The following UBXN11 variants were observed in gnomAD, a reference collection of about 807,000 sequenced individuals.
The protein encoded by UBXN11 is UBX domain-containing protein 11.
UBXN11 carries 47 observed loss-of-function variants against 62.8 expected under a neutral mutation model. The observed-to-expected ratio is 0.75, with a 90% CI of 0.59 to 0.95. UBXN11 has a LOEUF of 0.95. UBXN11 is among the 40% of genes least tolerant of loss of function. The pLI is 0.00. For missense variants in UBXN11, 638 were observed against 661.7 expected (o/e 0.96, Z 0.39); for synonymous variants, 294 against 267.0 (o/e 1.10, Z -0.99).
chr1:26,291,835 G>GCCTA (rs1340464752), intron 8 of UBXN11, among the ~76,000 whole-genome samples: 1 of 152,194 alleles, frequency 6.6e-6, no homozygotes, highest in Non-Finnish European at 1.5e-5. Context: ...GCATGCCTGG[G>GCCTA]CCTACAGTGC....
rs763595522 is a variant in UBXN11, at chr1:26,282,319, GTCCA to G, written c.1539_1542del (p.Gly514ProfsTer?). 10 of 1,458,236 alleles carry G rather than the reference GTCCA, an allele frequency of 6.9e-6. No individual in the cohort carries two copies. The highest frequency in any genetic ancestry group is 2.7e-5 in the South Asian group (2 of 73,032). The allele number at this position is 1,458,236 out of a possible 1,614,324, so 90.3% of individuals were successfully genotyped here. On this transcript the variant is annotated frameshift_variant, in exon 15 of 15. Transcript: ENST00000374222. LOFTEE classifies it high-confidence loss of function. ...GTGCTTTATTGGGGGCTGGGACTGG[GTCCA>G]GGACAGGGACTGGGGCCGGGACCGG...
At chr1:26,317,971 A>G (rs773924069) in intron 1 of UBXN11, 30 of 1,574,772 alleles carry the variant, frequency 1.9e-5, no homozygotes, top group Non-Finnish European at 2.3e-5. Flanking sequence ...CAGCCCTGAG[A>G]TCACCTAAAA....
intron 7 of UBXN11, among the ~76,000 whole-genome samples, chr1:26,295,254 GC>G (rs1169058883): frequency 6.6e-6 from 1 of 151,918 alleles, no homozygotes; most frequent in Non-Finnish European, 1.5e-5. Context: ...GGCCTGTGGT[GC>G]CCCCTCCAAT....
rs745506107 is a variant in UBXN11 at position 26,285,839 on chromosome 1, T to TAGAAGGGCTGGA, written c.746_757dup (p.Phe249_Phe252dup). 6.2e-7 allele frequency: 1 copy of TAGAAGGGCTGGA among 1,607,442 alleles called. No homozygotes were observed. Among genetic ancestry groups the TAGAAGGGCTGGA allele is most frequent in the African/African-American group, 1.3e-5 (1 of 74,806 alleles). On this transcript the variant is annotated inframe_insertion, in exon 9 of 15. Coordinates refer to ENST00000374222, the MANE Select transcript of UBXN11 (RefSeq NM_001389556.1). ...CGCTCCTACCTGTGTGGAGGGATCG[T>TAGAAGGGCTGGA]AGAAGGGCTGGAAGGGCCCGTCGAA...
chr1:26,297,520 T>C, intron 5 of UBXN11, 39 bp from the exon 6 acceptor site: 2 of 1,513,244 alleles, frequency 1.3e-6, no homozygotes, highest in Non-Finnish European at 8.8e-7. Flanking sequence ...GGGCCTGTGG[T>C]TCCCAGAGCC....
intron 8 of UBXN11, among the ~76,000 whole-genome samples, chr1:26,289,423 C>G (rs2073206613): frequency 6.6e-6 from 1 of 152,022 alleles, no homozygotes; most frequent in Non-Finnish European, 1.5e-5. Flanking sequence ...GCACCTACTC[C>G]CTTGGCCCTC....
At chr1:26,308,935 ATTTTTT>A (rs57323315), upstream of UBXN11, among the ~76,000 whole-genome samples, 10 of 108,272 alleles carry the variant, frequency 9.2e-5, no homozygotes, top group Admixed American at 7.9e-4. Flanking sequence ...CAGTCGTTTG[ATTTTTT>A]TTTTTTTTTT....
Position 26,300,953 on chromosome 1 carries a change from C to T in UBXN11, c.172G>A (p.Gly58Ser), listed in dbSNP as rs770099463. Reference sequence around the variant, plus strand: ...TGCCGACTCACAGGGGCACCTATGCCGCCATAGCAGGAAGGGACTGAGATC... The same window carrying T: ...TGCCGACTCACAGGGGCACCTATGCTGCCATAGCAGGAAGGGACTGAGATC... ...EKISVPSCYG[G>S]IGAPVSRQVP... is the part of the protein sequence containing the mutation. The change falls in exon 4 of 15, where the codon GGC becomes AGC. Residue 58 changes from glycine to serine, a missense_variant. Physicochemically the swap from Gly to Ser is moderately conservative, Grantham distance 56. Transcript: ENST00000374222. The T allele has an allele frequency of 6.8e-6, 11 of 1,614,220 alleles. No individual in the cohort carries two copies. Among genetic ancestry groups the T allele is most frequent in the Admixed American group, 3.3e-5 (2 of 60,024 alleles).
intron 10 of UBXN11, 27 bp from the exon 11 acceptor site, chr1:26,284,509 C>A: frequency 6.4e-7 from 1 of 1,566,074 alleles, no homozygotes; most frequent in Non-Finnish European, 8.7e-7. Context: ...GCAACGACGG[C>A]AGCGGACCCA....
chr1:26,287,361 G>A lies in UBXN11; in HGVS notation c.560-1324C>T, dbSNP rs956937840. ...CTGGCTTCAGGGGAGAATACGGAGCGGTGGGGACAGCCGTGACAGACAACA... is the reference window on the plus strand; with the variant it reads ...CTGGCTTCAGGGGAGAATACGGAGCAGTGGGGACAGCCGTGACAGACAACA... On this transcript the variant is annotated intron_variant, in intron 8 of 14. Coordinates refer to ENST00000374222, the MANE Select transcript of UBXN11 (RefSeq NM_001389556.1). 4.6e-5 allele frequency among the ~76,000 whole-genome samples: 7 copies of A among 152,244 alleles called. 1 individual carries two copies. The highest frequency in any genetic ancestry group is 3.9e-4 in the East Asian group (2 of 5,182).
intron 3 of UBXN11, 66 bp downstream of exon 3, chr1:26,301,628 C>A (rs568844075): frequency 6.3e-7 from 1 of 1,595,824 alleles, no homozygotes; most frequent in Non-Finnish European, 8.6e-7. Context: ...TTCTCTCCAT[C>A]GGTCCAACTG....
intron 8 of UBXN11, among the ~76,000 whole-genome samples, chr1:26,288,655 A>T (rs368824366): frequency 8.5e-5 from 13 of 152,280 alleles, no homozygotes; most frequent in African/African-American, 3.1e-4. Flanking sequence ...CTAGCAGCAG[A>T]ACTCAAATGG....
At position 26,284,471 on chromosome 1, in the gene UBXN11, CAA is replaced by C. The variant is rs2073078779; in HGVS notation, c.862_863del (p.Leu288AlafsTer43). 7.5e-6 allele frequency: 12 copies of C among 1,598,990 alleles called. No homozygotes were observed. Among genetic ancestry groups the C allele is most frequent in the Non-Finnish European group, 9.4e-6 (11 of 1,169,422 alleles). ...PNGVPFKVSD[L>X]RNQVYLEDGL... ...CATCCTCCAGGTAGACCTGATTGCG[CAA>C]GTCACTCACCTGGCAAGAAAGAAGG... On this transcript the variant is annotated frameshift_variant, in exon 11 of 15. Coordinates refer to ENST00000374222, the MANE Select transcript of UBXN11 (RefSeq NM_001389556.1). LOFTEE classifies it high-confidence loss of function.
intron 1 of UBXN11, among the ~76,000 whole-genome samples, chr1:26,315,157 G>A (rs1241861397): frequency 6.6e-6 from 1 of 152,190 alleles, no homozygotes; most frequent in African/African-American, 2.4e-5. Context: ...TACATGGACT[G>A]TAGAAGATAC....
At chr1:26,292,761 G>A (rs1183712671) in intron 8 of UBXN11, among the ~76,000 whole-genome samples, 1 of 152,070 alleles carries the variant, frequency 6.6e-6, no homozygotes, top group Non-Finnish European at 1.5e-5. Context: ...GGCTGAGGCA[G>A]GAGAATCGCT....
At chr1:26,299,118 A>G (rs762189775) in intron 4 of UBXN11, among the ~76,000 whole-genome samples, 1 of 152,162 alleles carries the variant, frequency 6.6e-6, no homozygotes, top group Non-Finnish European at 1.5e-5. Context: ...ATGCATCTTA[A>G]TTGACAAACA....
chr1:26,308,945 T>TC (rs2073711044), upstream of UBXN11, among the ~76,000 whole-genome samples: 1 of 148,142 alleles, frequency 6.8e-6, no homozygotes, highest in Non-Finnish European at 1.5e-5. Context: ...ATTTTTTTTT[T>TC]TTTTTTTTTT....
intron 1 of UBXN11, among the ~76,000 whole-genome samples, chr1:26,312,291 A>C (rs2073751292): frequency 1.3e-5 from 2 of 151,944 alleles, no homozygotes; most frequent in Non-Finnish European, 2.9e-5. Context: ...TCTTTCTGTC[A>C]CCCAGGCTGG....
At chr1:26,289,156 C>A (rs2073199436) in intron 8 of UBXN11, among the ~76,000 whole-genome samples, 1 of 152,220 alleles carries the variant, frequency 6.6e-6, no homozygotes, top group Non-Finnish European at 1.5e-5. Context: ...CTGGAGGGCA[C>A]TTCCGAGCTC....
Sources: allele counts gnomAD v4.1 joint callset (sites outside exome capture counted in the v4.1 genomes callset), GRCh38; gene constraint gnomAD v4.1.1; transcripts MANE v1.5; gene names NCBI Gene and HGNC (gene_info 2026-07-23, HGNC 2026-07-21).